Variants in NAV2 observed in about 807,000 individuals in gnomAD.
The protein encoded by NAV2 is neuron navigator 2, also known as helicase, APC down-regulated 1.
Under a neutral mutation model 223.2 loss-of-function variants are expected in NAV2, and 54 were observed. The ratio of observed to expected loss-of-function variants is 0.24; its 90% CI spans 0.19 to 0.30. The LOEUF (loss-of-function observed/expected upper bound fraction) is 0.30, where lower values mean the gene tolerates loss of function less well. NAV2 is among the 10% of genes least tolerant of loss of function. The probability of loss-of-function intolerance (pLI) is 1.00; values close to 1 mark genes in which losing one functional copy is unlikely to be tolerated. For synonymous variants in NAV2, 1,279 were observed against 1,239.3 expected, an observed-to-expected ratio of 1.03 and a Z score of -0.67; for missense variants, 2,806 against 3,147.5, an observed-to-expected ratio of 0.89 and a Z score of 2.60.
At chr11:20,040,327 A>G (rs1167699242) in intron 12 of NAV2, among the ~76,000 whole-genome samples, 2 of 152,160 alleles carry the variant, frequency 1.3e-5, no homozygotes, top group African/African-American at 4.8e-5. Flanking sequence ...AGTGCTGGGG[A>G]TTTTCAGAGG....
intron 1 of NAV2, among the ~76,000 whole-genome samples, chr11:19,529,557 T>G (rs900521670): frequency 1.3e-5 from 2 of 152,226 alleles, no homozygotes; most frequent in African/African-American, 4.8e-5. Context: ...GAATGGAAGT[T>G]ACCTTGTTTA....
At chr11:19,940,733 G>T (rs1487419617) in intron 8 of NAV2, among the ~76,000 whole-genome samples, 1 of 152,198 alleles carries the variant, frequency 6.6e-6, no homozygotes, top group Non-Finnish European at 1.5e-5. Context: ...CTAGCAATTA[G>T]CCCCAGTGAT....
rs138204626 is a variant in NAV2, at chr11:20,015,944, G to A, written c.2769-20015G>A. Among the ~76,000 whole-genome samples the A allele has an allele frequency of 2.1e-3, 314 of 152,262 alleles. 3 individuals are homozygous for A. Among genetic ancestry groups the A allele is most frequent in the African/African-American group, 7.2e-3 (300 of 41,554 alleles). ...GTTCACTCCTCTAATGCCGTGTCAC[G>A]GAAATCAAACAGGATTTGGCTCCAG... On this transcript the variant is annotated intron_variant, in intron 11 of 37. Coordinates refer to ENST00000349880, the MANE Select transcript of NAV2 (RefSeq NM_145117.5).
At chr11:19,583,777 G>A (rs888514353) in intron 1 of NAV2, among the ~76,000 whole-genome samples, 7 of 152,198 alleles carry the variant, frequency 4.6e-5, no homozygotes, top group African/African-American at 1.2e-4. Flanking sequence ...GATTCGGTTT[G>A]CCAGTATTTT....
intron 1 of NAV2, among the ~76,000 whole-genome samples, chr11:19,515,993 G>A (rs771383155): frequency 1.3e-5 from 2 of 152,228 alleles, no homozygotes; most frequent in Admixed American, 1.3e-4. Flanking sequence ...AGAATAGCAG[G>A]AATTTGGTTT....
intron 1 of NAV2, among the ~76,000 whole-genome samples, chr11:19,735,145 T>C (rs1343309483): frequency 6.6e-6 from 1 of 152,200 alleles, no homozygotes; most frequent in Non-Finnish European, 1.5e-5. Context: ...TCACTAAATA[T>C]AAGCTGCAGT....
intron 1 of NAV2, among the ~76,000 whole-genome samples, chr11:19,682,519 G>T (rs143311308): frequency 2.4e-4 from 37 of 152,332 alleles, no homozygotes; most frequent in African/African-American, 7.5e-4. Context: ...CAGTCCATTT[G>T]TGTCGCTATA....
At chr11:19,959,135 C>G (rs1430693944) in intron 10 of NAV2, among the ~76,000 whole-genome samples, 1 of 152,128 alleles carries the variant, frequency 6.6e-6, no homozygotes, top group Admixed American at 6.5e-5. Flanking sequence ...CTAGCTTTCC[C>G]TCTTGCATGT....
intron 1 of NAV2, among the ~76,000 whole-genome samples, chr11:19,791,631 G>T (rs2057527131): frequency 6.6e-6 from 1 of 152,144 alleles, no homozygotes; most frequent in South Asian, 2.1e-4. Flanking sequence ...TCTGTGACTG[G>T]TTGCCTTTCT....
intron 1 of NAV2, among the ~76,000 whole-genome samples, chr11:19,662,417 C>T (rs1797823672): frequency 6.6e-6 from 1 of 152,224 alleles, no homozygotes; most frequent in African/African-American, 2.4e-5. Context: ...GGTGGAAACA[C>T]CTGATAGAAA....
In NAV2 at chr11:20,092,796, G is replaced by A. The variant is rs764950807; in HGVS notation, c.5816-303G>A. On this transcript the variant is annotated intron_variant, in intron 28 of 37. Transcript: ENST00000349880. ...CACAATCTAGGTTTTCTTTGTAAGCGTATTAAGGCTGATGCTTTTATTTTT... is the reference window on the plus strand; with the variant it reads ...CACAATCTAGGTTTTCTTTGTAAGCATATTAAGGCTGATGCTTTTATTTTT... Among the ~76,000 whole-genome samples, 3 of 152,158 alleles carry A rather than the reference G, an allele frequency of 2.0e-5. No homozygotes were observed. In the East Asian group the frequency reaches 5.8e-4, roughly 29 times the overall value.
intron 1 of NAV2, among the ~76,000 whole-genome samples, chr11:19,818,989 A>T (rs2059245440): frequency 6.6e-6 from 1 of 152,040 alleles, no homozygotes; most frequent in Non-Finnish European, 1.5e-5. Context: ...ATCCATCTGA[A>T]CATTCACCAG....
At chr11:19,725,614 C>T (rs2152389076) in intron 1 of NAV2, among the ~76,000 whole-genome samples, 1 of 152,318 alleles carries the variant, frequency 6.6e-6, no homozygotes, top group Non-Finnish European at 1.5e-5. Context: ...TGGTCCTTGC[C>T]TCTCACTCAT....
In NAV2 at chr11:19,713,566, T is replaced by G; in HGVS notation, c.-130T>G. ...AGTTCCCCGACCTGGGGATTTTTTTTTTAGCCGCTGGTGGTGGGCGCCTCG... is the reference window on the plus strand; with the variant it reads ...AGTTCCCCGACCTGGGGATTTTTTTGTTAGCCGCTGGTGGTGGGCGCCTCG... On this transcript the variant is annotated 5_prime_UTR_variant, in exon 1 of 38. Transcript: ENST00000349880. This position sits in a 1 kb window ranked among gnomAD's most constrained non-coding sequence, Gnocchi z 7.2. 2 of 1,400,228 alleles carry G rather than the reference T, an allele frequency of 1.4e-6. No homozygotes were observed. The highest frequency in any genetic ancestry group is 1.9e-6 in the Non-Finnish European group (2 of 1,077,162). 86.7% of individuals were successfully genotyped at this position (1,400,228 alleles called of 1,614,324 possible).
rs138041515 is a variant in NAV2 at position 19,414,573 on chromosome 11, C to T, written c.75+63546C>T. On this transcript the variant is annotated intron_variant, in intron 1 of 37. Transcript: ENST00000360655. The stretch of plus-strand genomic sequence containing the variant: ...TTAACAAGGATATGCAGGACTTGAA[C>T]TCAGCTCTGGACCAAGCAGACCTAA... Among the ~76,000 whole-genome samples, 743 of 152,294 alleles carry T rather than the reference C, an allele frequency of 4.9e-3. 6 individuals carry two copies. The highest frequency in any genetic ancestry group is 0.017 in the African/African-American group (710 of 41,562).
At chr11:19,572,919 C>T (rs531009307) in intron 1 of NAV2, among the ~76,000 whole-genome samples, 2 of 152,264 alleles carry the variant, frequency 1.3e-5, no homozygotes, top group East Asian at 3.9e-4. Context: ...TGCCAAGGAC[C>T]GCTTTCCAGA....
chr11:19,432,761 G>A (rs999250183), intron 1 of NAV2, among the ~76,000 whole-genome samples: 3 of 152,230 alleles, frequency 2.0e-5, no homozygotes, highest in African/African-American at 7.2e-5. Flanking sequence ...GCATGTTCCA[G>A]TACTAATCCA....
intron 1 of NAV2, among the ~76,000 whole-genome samples, chr11:19,466,034 G>A (rs1020854338): frequency 2.6e-5 from 4 of 152,192 alleles, no homozygotes; most frequent in Non-Finnish European, 5.9e-5. Flanking sequence ...ATTAAAATGC[G>A]GTTCACAGCA....
intron 1 of NAV2, among the ~76,000 whole-genome samples, chr11:19,441,712 AAG>A (rs1851409340): frequency 6.6e-6 from 1 of 152,144 alleles, no homozygotes; most frequent in Non-Finnish European, 1.5e-5. Flanking sequence ...GTTATTCTCA[AAG>A]AGAGGATGTT....
Sources: gnomAD v4.1 joint callset for allele counts (sites outside exome capture counted in the v4.1 genomes callset) on GRCh38, gnomAD v4.1.1 for gene constraint, Gnocchi (gnomAD v3.1) non-coding constraint, MANE v1.5 for transcripts, NCBI Gene and HGNC (gene_info 2026-07-23, HGNC 2026-07-21) for gene names.